Variants in KCNN2 observed in about 807,000 individuals in gnomAD.
KCNN2 encodes the protein potassium calcium-activated channel subfamily N member 2, also known as small conductance calcium-activated potassium channel protein 2.
In KCNN2, 24 loss-of-function variants were observed where a neutral mutation model predicts 55.5. The ratio of observed to expected loss-of-function variants is 0.43; its 90% CI spans 0.31 to 0.61. The LOEUF (loss-of-function observed/expected upper bound fraction) is 0.61, where lower values mean the gene tolerates loss of function less well. Among genes scored for constraint, KCNN2 ranks in the 20% least tolerant of loss-of-function variants. The probability of loss-of-function intolerance (pLI) is 0.08; values close to 1 mark genes in which losing one functional copy is unlikely to be tolerated. For synonymous variants in KCNN2, 431 were observed against 336.1 expected (o/e 1.28, Z -3.09); for missense variants, 754 against 853.6 (o/e 0.88, Z 1.45).
At chr5:114,368,300 G>C in intron 2 of KCNN2, among the ~76,000 whole-genome samples, 1 of 152,130 alleles carries the variant, frequency 6.6e-6, no homozygotes, top group East Asian at 1.9e-4. Flanking sequence ...AAGCAACAAT[G>C]TTTATTTGTC....
At chr5:114,474,096 C>CATAAATGAATCAATAG (rs1353072930) in intron 5 of KCNN2, among the ~76,000 whole-genome samples, 1 of 152,114 alleles carries the variant, frequency 6.6e-6, no homozygotes, top group African/African-American at 2.4e-5. Context: ...TAACTTTACC[C>CATAAATGAATCAATAG]ATAAATGAAT....
chr5:114,383,209 C>T (rs545487236), intron 2 of KCNN2, among the ~76,000 whole-genome samples: 1 of 152,224 alleles, frequency 6.6e-6, no homozygotes, highest in South Asian at 2.1e-4. Flanking sequence ...TTTAAGTCCC[C>T]TGTTTCCAAA....
At chr5:114,319,968 T>C (rs1430483244) in intron 2 of KCNN2, among the ~76,000 whole-genome samples, 3 of 152,234 alleles carry the variant, frequency 2.0e-5, no homozygotes, top group African/African-American at 7.2e-5. Flanking sequence ...GAAAGACTTC[T>C]ATTTTCAGTT....
intron 1 of KCNN2, among the ~76,000 whole-genome samples, chr5:114,195,853 G>A (rs1753546644): frequency 6.6e-6 from 1 of 151,948 alleles, no homozygotes; most frequent in African/African-American, 2.4e-5. Context: ...ATCAGATTAA[G>A]TTTCTTCCTG....
chr5:114,164,539 A>T (rs879329052), intron 1 of KCNN2, among the ~76,000 whole-genome samples: 52 of 152,194 alleles, frequency 3.4e-4, no homozygotes, highest in Middle Eastern at 3.2e-3. Context: ...GGAGTTAGAA[A>T]GTAGCCACCT....
chr5:114,347,796 A>G (rs1439544892), intron 2 of KCNN2, among the ~76,000 whole-genome samples: 1 of 152,238 alleles, frequency 6.6e-6, no homozygotes, highest in Non-Finnish European at 1.5e-5. Context: ...AATGGGAAAT[A>G]GTCAGGGATT....
intron 2 of KCNN2, among the ~76,000 whole-genome samples, chr5:114,308,071 G>A (rs1003179076): frequency 6.6e-6 from 1 of 152,030 alleles, no homozygotes; most frequent in Non-Finnish European, 1.5e-5. Context: ...TTACTCCCGA[G>A]AAGAAACTAT....
At chr5:114,423,466 G>C (rs1363364589) in intron 3 of KCNN2, among the ~76,000 whole-genome samples, 2 of 152,062 alleles carry the variant, frequency 1.3e-5, no homozygotes, top group Non-Finnish European at 2.9e-5. Flanking sequence ...CAATCAGTAA[G>C]TTAGATTTGC....
chr5:114,274,275 C>T (rs1318960752), intron 2 of KCNN2, among the ~76,000 whole-genome samples: 1 of 152,094 alleles, frequency 6.6e-6, no homozygotes, highest in Non-Finnish European at 1.5e-5. Context: ...TAGCATGATG[C>T]CTCCAGCTTT....
intron 1 of KCNN2, among the ~76,000 whole-genome samples, chr5:114,108,619 T>G (rs1751534736): frequency 6.6e-6 from 1 of 152,090 alleles, no homozygotes; most frequent in African/African-American, 2.4e-5. Context: ...TACATCTGTA[T>G]TTATTGGGAG....
chr5:114,127,368 C>T (rs373170573), intron 1 of KCNN2, among the ~76,000 whole-genome samples: 4 of 152,170 alleles, frequency 2.6e-5, no homozygotes, highest in East Asian at 1.9e-4. Context: ...GGTTCCCCAA[C>T]GTCAGTGCTT....
At chr5:114,292,778 T>TG (rs532591111) in intron 2 of KCNN2, among the ~76,000 whole-genome samples, 9 of 152,286 alleles carry the variant, frequency 5.9e-5, no homozygotes, top group East Asian at 1.9e-4. Flanking sequence ...TAAATTACCT[T>TG]GGCAGTATGG....
rs938266747 is a variant in KCNN2 at position 114,232,155 on chromosome 5, G to A, written c.-185+10590G>A. ...GACTTGGCTTCACTTTGATTGTTTCGAGTTGAAATAGAATGTGGCACATAG... is the reference window on the plus strand; with the variant it reads ...GACTTGGCTTCACTTTGATTGTTTCAAGTTGAAATAGAATGTGGCACATAG... On this transcript the variant is annotated intron_variant, in intron 2 of 10. Transcript: ENST00000512097. Among the ~76,000 whole-genome samples, 5 of 150,786 alleles carry A rather than the reference G, an allele frequency of 3.3e-5. No homozygotes were observed. The East Asian group carries it at 5.8e-4, about 17-fold the overall frequency.
intron 2 of KCNN2, among the ~76,000 whole-genome samples, chr5:114,296,487 A>G (rs1756014991): frequency 6.6e-6 from 1 of 152,254 alleles, no homozygotes; most frequent in South Asian, 2.1e-4. Context: ...CTTAATTAGT[A>G]TTTGTGAAAC....
chr5:114,169,418 A>G (rs2112541196), intron 1 of KCNN2, among the ~76,000 whole-genome samples: 1 of 152,236 alleles, frequency 6.6e-6, no homozygotes, highest in East Asian at 1.9e-4. Flanking sequence ...AGAGAGTGGT[A>G]CAGGACATAT....
chr5:114,063,252 G>T (rs1750369346), intron 1 of KCNN2, among the ~76,000 whole-genome samples: 1 of 152,204 alleles, frequency 6.6e-6, no homozygotes, highest in African/African-American at 2.4e-5. Context: ...TCATGTATGT[G>T]TCTGCAGCTG....
chr5:114,116,641 T>A (rs1350903005), intron 1 of KCNN2, among the ~76,000 whole-genome samples: 6 of 152,166 alleles, frequency 3.9e-5, no homozygotes, highest in Admixed American at 6.5e-5. Flanking sequence ...TGATTACAAA[T>A]GTGTTTTTCT....
chr5:114,151,617 G>A (rs2112518351), intron 1 of KCNN2, among the ~76,000 whole-genome samples: 1 of 152,214 alleles, frequency 6.6e-6, no homozygotes, highest in East Asian at 1.9e-4. Context: ...ATGGTATGTG[G>A]ACACACTTTC....
intron 2 of KCNN2, among the ~76,000 whole-genome samples, chr5:114,302,045 A>G (rs570157850): frequency 1.3e-5 from 2 of 152,290 alleles, no homozygotes; most frequent in Admixed American, 1.3e-4. Flanking sequence ...GGAATAGTCT[A>G]TTTCTACCAT....
Sources: gnomAD v4.1 joint callset for allele counts (sites outside exome capture counted in the v4.1 genomes callset) on GRCh38, gnomAD v4.1.1 for gene constraint, MANE v1.5 for transcripts, NCBI Gene and HGNC (gene_info 2026-07-23, HGNC 2026-07-21) for gene names.